Variants in EPB41L4A observed in about 807,000 individuals in gnomAD.
The protein encoded by EPB41L4A is band 4.1-like protein 4A.
EPB41L4A carries 100 observed loss-of-function variants against 108.6 expected under a neutral mutation model. The observed-to-expected ratio is 0.92, with a 90% confidence interval of 0.78 to 1.09. The LOEUF (loss-of-function observed/expected upper bound fraction) is 1.09. Ranked by LOEUF, EPB41L4A falls within the 50% of genes least tolerant of loss-of-function variation. The probability of loss-of-function intolerance (pLI) is 0.00; values close to 1 mark genes in which losing one functional copy is unlikely to be tolerated. For synonymous variants in EPB41L4A, 319 were observed against 289.0 expected (o/e 1.10, Z -1.05); for missense variants, 1,030 against 842.7 (o/e 1.22, Z -2.75).
Position 112,170,308 on chromosome 5 carries a change from T to C in EPB41L4A, c.1732A>G (p.Lys578Glu). 6.2e-7 allele frequency: 1 copy of C among 1,613,444 alleles called. No homozygotes were observed. The highest frequency in any genetic ancestry group is 8.5e-7 in the Non-Finnish European group (1 of 1,179,742). The change falls in exon 20 of 23, where the codon AAA (lysine) becomes GAA (glutamate). Residue 578 changes from lysine to glutamate, a missense_variant. Lys to Glu is a moderately conservative substitution (Grantham distance 56, BLOSUM62 1). Transcript: ENST00000261486. ...EEQLKEIPYT[K>E]IETQGDPIRI... ...ATTCTGAAAGGCACTCACTCTATTT[T>C]AGTGTATGGAATCTCTTTTAATTGT... is the stretch of plus-strand genomic sequence containing the variant.
chr5:112,270,025 C>A (rs555550455), intron 4 of EPB41L4A, among the ~76,000 whole-genome samples: 5 of 152,112 alleles, frequency 3.3e-5, no homozygotes, highest in Non-Finnish European at 7.4e-5. Context: ...TATGTTGAAA[C>A]GAGCTAAATT....
At chr5:112,345,881 T>C (rs2150714776) in intron 1 of EPB41L4A, among the ~76,000 whole-genome samples, 1 of 152,054 alleles carries the variant, frequency 6.6e-6, no homozygotes, top group African/African-American at 2.4e-5. Flanking sequence ...TACTACTACA[T>C]TTTCCAAATT....
Position 112,164,991 on chromosome 5 carries a change from CAA to C in EPB41L4A, c.2058_2059del (p.Ter687IlefsTer8). The C allele has an allele frequency of 6.2e-7, 1 of 1,612,280 alleles. No individual in the cohort carries two copies. The highest frequency in any genetic ancestry group is 8.5e-7 in the Non-Finnish European group (1 of 1,179,526). On this transcript the variant is annotated frameshift_variant and stop_lost, in exon 23 of 23. Coordinates refer to ENST00000261486, the MANE Select transcript of EPB41L4A (RefSeq NM_022140.5). LOFTEE classifies it high-confidence loss of function. ...CCTACCCTTGACCCTTCATCAGGATCAAGTCTCTGTCTTGAGGCGGGAAGCTT... is the reference window on the plus strand; with the variant it reads ...CCTACCCTTGACCCTTCATCAGGATCGTCTCTGTCTTGAGGCGGGAAGCTT...
At chr5:112,313,211 G>A (rs1413513730) in intron 1 of EPB41L4A, among the ~76,000 whole-genome samples, 1 of 152,144 alleles carries the variant, frequency 6.6e-6, no homozygotes, top group East Asian at 1.9e-4. Flanking sequence ...GAAGCCCTAG[G>A]GCTATGAAGC....
At chr5:112,227,818 T>C (rs1748578094) in intron 12 of EPB41L4A, among the ~76,000 whole-genome samples, 1 of 152,236 alleles carries the variant, frequency 6.6e-6, no homozygotes, top group Non-Finnish European at 1.5e-5. Context: ...AATGAAACTG[T>C]ACTTCATTAT....
intron 2 of EPB41L4A, among the ~76,000 whole-genome samples, chr5:112,283,780 A>C (rs1753108073): frequency 6.6e-6 from 1 of 152,206 alleles, no homozygotes; most frequent in Admixed American, 6.5e-5. Flanking sequence ...GCCCAGCAGG[A>C]GACACACAGC....
rs368506789 is a variant in EPB41L4A at position 112,239,676 on chromosome 5, A to G, written c.949T>C (p.Tyr317His). The G allele has an allele frequency of 5.0e-6, 8 of 1,605,564 alleles. No individual in the cohort carries two copies. In the African/African-American group the frequency reaches 8.1e-5, roughly 16 times the overall value. Residue 317 changes from tyrosine to histidine, a missense_variant, in exon 11 of 23, where the codon TAT becomes CAT. By Grantham distance (83) the Tyr-to-His change is moderately conservative (BLOSUM62 2). Transcript: ENST00000261486. ...RKLSKFGSIR[Y>H]KHRYSGRTAL... ...GTCATTTACCTGTAGCGGTGCTTAT[A>G]ACGTATGGATCCAAACTTGCTGAGT...
At chr5:112,319,306 A>G (rs1223242189) in intron 1 of EPB41L4A, among the ~76,000 whole-genome samples, 1 of 152,240 alleles carries the variant, frequency 6.6e-6, no homozygotes, top group African/African-American at 2.4e-5. Flanking sequence ...CCCCTATGAG[A>G]AAAATCTATG....
chr5:112,195,590 T>C lies in EPB41L4A; in HGVS notation c.1424+71A>G, dbSNP rs908891975. 3.7e-6 allele frequency: 5 copies of C among 1,346,670 alleles called. No individual in the cohort carries two copies. In the African/African-American group the frequency reaches 7.2e-5, roughly 20 times the overall value. 83.4% of individuals were successfully genotyped at this position (1,346,670 alleles called of 1,614,324 possible). A position where few individuals can be genotyped will look rare whatever the true frequency, so the allele number is the denominator to read the frequency against. On this transcript the variant is annotated intron_variant, in intron 16 of 22. Transcript: ENST00000261486. ...AAAAAATAATGCCCCCGCTCTTTCCTTAACTCTGAGCATTTCTAAATCTGC... is the reference window on the plus strand; with the variant it reads ...AAAAAATAATGCCCCCGCTCTTTCCCTAACTCTGAGCATTTCTAAATCTGC...
chr5:112,281,264 T>C (rs1396761089), intron 2 of EPB41L4A, among the ~76,000 whole-genome samples: 1 of 152,224 alleles, frequency 6.6e-6, no homozygotes, highest in Non-Finnish European at 1.5e-5. Context: ...TAACAGTTAA[T>C]GAACAGAATT....
chr5:112,226,591 A>G (rs1748470019), intron 12 of EPB41L4A, among the ~76,000 whole-genome samples: 1 of 152,204 alleles, frequency 6.6e-6, no homozygotes, highest in Non-Finnish European at 1.5e-5. Context: ...AACACACTGT[A>G]AGAAGTTTGT....
intron 1 of EPB41L4A, among the ~76,000 whole-genome samples, chr5:112,387,227 G>A (rs1467552010): frequency 6.6e-6 from 1 of 152,178 alleles, no homozygotes; most frequent in Admixed American, 6.5e-5. Context: ...CCTCATGTCT[G>A]AGAGACCACG....
At chr5:112,297,770 T>C (rs1754093170) in intron 2 of EPB41L4A, among the ~76,000 whole-genome samples, 1 of 152,196 alleles carries the variant, frequency 6.6e-6, no homozygotes, top group African/African-American at 2.4e-5. Flanking sequence ...TTTTAAGTCT[T>C]AATGATTTAG....
chr5:112,418,552 CGCCTTCAACAAAGTCGAGGGAAACCAT>C (rs1762857686), intron 1 of EPB41L4A, among the ~76,000 whole-genome samples: 1 of 152,142 alleles, frequency 6.6e-6, no homozygotes, highest in African/African-American at 2.4e-5. Flanking sequence ...TCAAGGAAAA[CGCCTTCAACAAAGTCGAGGGAAACCAT>C]GCCTTCCACA....
At chr5:112,359,311 A>T (rs1281643581) in intron 1 of EPB41L4A, among the ~76,000 whole-genome samples, 1 of 152,244 alleles carries the variant, frequency 6.6e-6, no homozygotes, top group Non-Finnish European at 1.5e-5. Context: ...AACACAAATA[A>T]GAAATTCACT....
At chr5:112,266,790 C>T (rs980176865) in intron 4 of EPB41L4A, among the ~76,000 whole-genome samples, 4 of 152,214 alleles carry the variant, frequency 2.6e-5, no homozygotes, top group Admixed American at 6.5e-5. Context: ...TATTACATAA[C>T]ACTCTGCCTA....
intron 1 of EPB41L4A, among the ~76,000 whole-genome samples, chr5:112,363,907 T>C (rs903310694): frequency 3.9e-5 from 6 of 152,220 alleles, no homozygotes; most frequent in African/African-American, 9.6e-5. Context: ...TTATAGAGTG[T>C]AGCATTCAAA....
chr5:112,276,418 T>G (rs570975997), intron 3 of EPB41L4A, among the ~76,000 whole-genome samples: 29 of 152,334 alleles, frequency 1.9e-4, no homozygotes, highest in African/African-American at 6.0e-4. Flanking sequence ...TTTTTATTTC[T>G]GAGGGTATCA....
intron 12 of EPB41L4A, among the ~76,000 whole-genome samples, chr5:112,230,603 G>C (rs1177140871): frequency 6.6e-6 from 1 of 152,046 alleles, no homozygotes; most frequent in Non-Finnish European, 1.5e-5. Context: ...GCTGATTTCA[G>C]TTCCTCGTAG....
Sources: allele counts gnomAD v4.1 joint callset (sites outside exome capture counted in the v4.1 genomes callset), GRCh38; gene constraint gnomAD v4.1.1; transcripts MANE v1.5; gene names NCBI Gene and HGNC (gene_info 2026-07-23, HGNC 2026-07-21).